CRPPA: variants seen among roughly 807,000 people sequenced by gnomAD.
The protein encoded by CRPPA is D-ribitol-5-phosphate cytidylyltransferase.
Under a neutral mutation model 52.0 loss-of-function variants are expected in CRPPA, and 43 were observed. The observed-to-expected ratio is 0.83, with a 90% CI of 0.65 to 1.07. CRPPA has a LOEUF of 1.07. Among genes scored for constraint, CRPPA ranks in the 50% least tolerant of loss-of-function variants. CRPPA has a pLI of 0.00. For synonymous variants in CRPPA, 250 were observed against 203.5 expected (o/e 1.23, Z -1.94); for missense variants, 629 against 551.7 (o/e 1.14, Z -1.40).
chr7:16,319,965 G>C (rs1160881714), intron 3 of CRPPA, among the ~76,000 whole-genome samples: 1 of 152,172 alleles, frequency 6.6e-6, no homozygotes, highest in Admixed American at 6.5e-5. Context: ...CCTGGACTTT[G>C]AGAATTCTAC....
At chr7:16,415,306 T>G (rs993242964) in intron 1 of CRPPA, among the ~76,000 whole-genome samples, 1 of 152,214 alleles carries the variant, frequency 6.6e-6, no homozygotes, top group Non-Finnish European at 1.5e-5. Context: ...CTTTAATATA[T>G]GGCATGTCTG....
chr7:16,393,072 A>G (rs1372020957), intron 2 of CRPPA, among the ~76,000 whole-genome samples: 2 of 152,164 alleles, frequency 1.3e-5, no homozygotes, highest in African/African-American at 2.4e-5. Flanking sequence ...GGAAGCCAAC[A>G]ACTATAAGAT....
At chr7:16,140,412 G>T (rs2128375563) in intron 9 of CRPPA, among the ~76,000 whole-genome samples, 1 of 152,170 alleles carries the variant, frequency 6.6e-6, no homozygotes, top group East Asian at 1.9e-4. Context: ...CAATCCACTG[G>T]CCTTGGCCTC....
chr7:16,266,999 A>T (rs1783974261), intron 6 of CRPPA, among the ~76,000 whole-genome samples: 1 of 152,212 alleles, frequency 6.6e-6, no homozygotes, highest in South Asian at 2.1e-4. Context: ...TGTGAAAAAG[A>T]TATAAACAGT....
intron 3 of CRPPA, among the ~76,000 whole-genome samples, chr7:16,373,063 C>T (rs766919646): frequency 5.3e-5 from 8 of 152,096 alleles, no homozygotes; most frequent in East Asian, 1.9e-4. Flanking sequence ...GGGAGGCCAA[C>T]GCAGACGGTT....
intron 5 of CRPPA, among the ~76,000 whole-genome samples, chr7:16,290,463 A>G (rs538628710): frequency 1.3e-5 from 2 of 152,194 alleles, no homozygotes; most frequent in East Asian, 3.9e-4. Context: ...ACAGAAGACA[A>G]TACAATGAAA....
At chr7:16,193,941 C>T (rs73681768) in intron 9 of CRPPA, among the ~76,000 whole-genome samples, 2 of 152,054 alleles carry the variant, frequency 1.3e-5, no homozygotes, top group Non-Finnish European at 2.9e-5. Flanking sequence ...CTTCTTCAAC[C>T]AAATAGCTGT....
chr7:16,421,396 G>C lies in CRPPA; in HGVS notation c.-74C>G, dbSNP rs1788336618. On this transcript the variant is annotated 5_prime_UTR_variant, in exon 1 of 10. Transcript: ENST00000407010. ...CCGCGCTGCTCCCACCCTCGGCCGG[G>C]GTCGCGGGGCGAAGGGCAGACCACG... 8.3e-7 allele frequency: 1 copy of C among 1,205,576 alleles called. No individual in the cohort carries two copies. The highest frequency in any genetic ancestry group is 1.0e-6 in the Non-Finnish European group (1 of 969,710). The allele number at this position is 1,205,576 out of a possible 1,614,324, so 74.7% of individuals were successfully genotyped here.
chr7:16,380,813 A>T (rs1041680116), intron 2 of CRPPA, among the ~76,000 whole-genome samples: 1 of 152,124 alleles, frequency 6.6e-6, no homozygotes, highest in African/African-American at 2.4e-5. Flanking sequence ...GGTAGTTCGT[A>T]TTTCTGTGGG....
At chr7:16,232,894 C>A (rs1003238449) in intron 8 of CRPPA, among the ~76,000 whole-genome samples, 3 of 152,054 alleles carry the variant, frequency 2.0e-5, no homozygotes, top group African/African-American at 7.2e-5. Flanking sequence ...ACCAACCCAA[C>A]TGACACCAAT....
At chr7:16,361,814 A>G (rs1164823837) in intron 3 of CRPPA, among the ~76,000 whole-genome samples, 2 of 152,160 alleles carry the variant, frequency 1.3e-5, no homozygotes, top group African/African-American at 4.8e-5. Context: ...TAATAATTAA[A>G]ATCGTAAATT....
At chr7:16,343,211 T>A (rs2428686) in intron 3 of CRPPA, among the ~76,000 whole-genome samples, 138,404 of 151,712 alleles carry the variant, frequency 0.91, 63,292 homozygotes, top group Non-Finnish European at 0.94. Flanking sequence ...CATTTTTTTT[T>A]AAATAAATCT....
intron 9 of CRPPA, among the ~76,000 whole-genome samples, chr7:16,181,098 C>T (rs1240604526): frequency 2.0e-5 from 3 of 151,810 alleles, no homozygotes; most frequent in Non-Finnish European, 2.9e-5. Flanking sequence ...TTCCTCATAA[C>T]GTTTTTATCT....
chr7:16,298,864 A>G (rs1333644435), intron 5 of CRPPA, among the ~76,000 whole-genome samples: 1 of 152,170 alleles, frequency 6.6e-6, no homozygotes, highest in Admixed American at 6.5e-5. Flanking sequence ...CTCCCTTCTA[A>G]AGCAGAGACA....
rs149157046 is a variant in CRPPA, at chr7:16,331,607, T to A, written c.685-22980A>T. ...ACTACATACAAAGGATTCCAGTAGTTAGACAGGATGCAAGAAGATGGGCAA... is the reference window on the plus strand; with the variant it reads ...ACTACATACAAAGGATTCCAGTAGTAAGACAGGATGCAAGAAGATGGGCAA... On this transcript the variant is annotated intron_variant, in intron 3 of 9. Transcript: ENST00000407010. 8.6e-4 allele frequency among the ~76,000 whole-genome samples: 131 copies of A among 152,284 alleles called. 2 individuals are homozygous for A. In the East Asian group the frequency reaches 0.024, roughly 28 times the overall value.
At chr7:16,240,183 T>A (rs1216436686) in intron 8 of CRPPA, among the ~76,000 whole-genome samples, 2 of 150,922 alleles carry the variant, frequency 1.3e-5, no homozygotes, top group African/African-American at 4.9e-5. Context: ...TCATTCCTCA[T>A]TTTTGTGTTA....
intron 8 of CRPPA, among the ~76,000 whole-genome samples, chr7:16,222,584 T>C (rs1782545612): frequency 6.6e-6 from 1 of 152,160 alleles, no homozygotes; most frequent in Non-Finnish European, 1.5e-5. Flanking sequence ...AAATACAGTA[T>C]TACATCTACT....
chr7:16,197,571 C>A (rs1182628475), intron 9 of CRPPA, among the ~76,000 whole-genome samples: 1 of 151,764 alleles, frequency 6.6e-6, no homozygotes, highest in Non-Finnish European at 1.5e-5. Context: ...CCTGGGCTCA[C>A]GCAATCCTTC....
At position 16,371,987 on chromosome 7, in the gene CRPPA, T is replaced by C. The variant is rs541019852; in HGVS notation, c.684+4105A>G. Reference sequence around the variant, plus strand: ...TTTCAGAGCTTGAAGACAAAGCTTTTGAATTAACCCAATCAGACGAAGTAA... The same window carrying C: ...TTTCAGAGCTTGAAGACAAAGCTTTCGAATTAACCCAATCAGACGAAGTAA... On this transcript the variant is annotated intron_variant, in intron 3 of 9. Transcript: ENST00000407010. Among the ~76,000 whole-genome samples the C allele has an allele frequency of 1.2e-4, 19 of 152,040 alleles. No individual in the cohort carries two copies. The East Asian group carries it at 3.5e-3, about 28-fold the overall frequency.
Sources: allele counts gnomAD v4.1 joint callset (sites outside exome capture counted in the v4.1 genomes callset), GRCh38; gene constraint gnomAD v4.1.1; transcripts MANE v1.5; gene names NCBI Gene and HGNC (gene_info 2026-07-23, HGNC 2026-07-21).